The following ADAMTS17 variants were observed in gnomAD, a reference collection of about 807,000 sequenced individuals.
ADAMTS17 encodes the protein ADAM metallopeptidase with thrombospondin type 1 motif 17, also known as A disintegrin and metalloproteinase with thrombospondin motifs 17.
A neutral mutation model predicts 141.5 loss-of-function variants in ADAMTS17; 113 were observed. The observed-to-expected ratio is 0.80, with a 90% CI of 0.69 to 0.93. The LOEUF is 0.93. ADAMTS17 is among the 40% of genes least tolerant of loss of function. The probability of loss-of-function intolerance (pLI) is 0.00; values close to 1 mark genes in which losing one functional copy is unlikely to be tolerated. For synonymous variants in ADAMTS17, 768 were observed against 630.6 expected (o/e 1.22, Z -3.27); for missense variants, 1,659 against 1,517.9 (o/e 1.09, Z -1.54).
At chr15:100,329,359 T>G (rs2045981459) in intron 3 of ADAMTS17, among the ~76,000 whole-genome samples, 1 of 152,098 alleles carries the variant, frequency 6.6e-6, no homozygotes. Flanking sequence ...GGCAACACAG[T>G]GAAACCCATC....
At chr15:100,059,191 T>C (rs2032910011) in intron 15 of ADAMTS17, among the ~76,000 whole-genome samples, 1 of 152,186 alleles carries the variant, frequency 6.6e-6, no homozygotes, top group Non-Finnish European at 1.5e-5. Context: ...TCCTGCACAA[T>C]CACAACTTGT....
intron 8 of ADAMTS17, among the ~76,000 whole-genome samples, chr15:100,163,068 G>T (rs1453939208): frequency 6.8e-6 from 1 of 147,690 alleles, no homozygotes; most frequent in Non-Finnish European, 1.5e-5. Context: ...ATATATATGT[G>T]TATACATATA....
Position 99,976,061 on chromosome 15 carries a change from G to T in ADAMTS17, c.3111C>A (p.Ile1037=), listed in dbSNP as rs886050973. Residue 1037 remains isoleucine, a synonymous_variant, in exon 21 of 22, where the codon ATC becomes ATA. Transcript: ENST00000268070. ...VCNDRINANT[I]TSPRLAALTY... is the part of the protein sequence containing the mutation. Reference sequence around the variant, plus strand: ...GACACTCACCAAGGCGGGGGGAGGTGATGGTGTTGGCGTTGATCCTGTCGT... The same window carrying T: ...GACACTCACCAAGGCGGGGGGAGGTTATGGTGTTGGCGTTGATCCTGTCGT... The T allele has an allele frequency of 5.8e-6, 9 of 1,551,160 alleles. No individual in the cohort carries two copies. Among genetic ancestry groups the T allele is most frequent in the Non-Finnish European group, 7.8e-6 (9 of 1,146,648 alleles).
In ADAMTS17 at chr15:100,223,735, C is replaced by T. The variant is rs536063836; in HGVS notation, c.1076-24312G>A. 2.8e-5 allele frequency among the ~76,000 whole-genome samples: 4 copies of T among 144,292 alleles called. No homozygotes were observed. In the East Asian group the frequency reaches 5.9e-4, roughly 21 times the overall value. 94.7% of individuals were successfully genotyped at this position (144,292 alleles called of 152,430 possible). On this transcript the variant is annotated intron_variant, in intron 7 of 21. Transcript: ENST00000268070. ...TATATACATATAGTGTATATATACA[C>T]ATGTATGTGTATATATATATACACA...
chr15:100,327,989 A>G (rs1298175797), intron 3 of ADAMTS17, among the ~76,000 whole-genome samples: 1 of 152,110 alleles, frequency 6.6e-6, no homozygotes, highest in African/African-American at 2.4e-5. Context: ...TTTCAAGTAC[A>G]CTGAGTGCTT....
chr15:100,274,161 T>C (rs1031063063), intron 4 of ADAMTS17, among the ~76,000 whole-genome samples: 4 of 152,192 alleles, frequency 2.6e-5, no homozygotes, highest in African/African-American at 4.8e-5. Context: ...CCATTGTTGT[T>C]GGGTAGAGTG....
At chr15:99,987,842 G>T (rs2060621324) in intron 20 of ADAMTS17, among the ~76,000 whole-genome samples, 1 of 152,070 alleles carries the variant, frequency 6.6e-6, no homozygotes, top group Non-Finnish European at 1.5e-5. Context: ...GAGGTGCCCA[G>T]CCCCCAACTC....
chr15:100,051,349 C>CATGA (rs2032126670), intron 17 of ADAMTS17, among the ~76,000 whole-genome samples: 1 of 152,192 alleles, frequency 6.6e-6, no homozygotes, highest in Non-Finnish European at 1.5e-5. Context: ...AGCTGTGGGG[C>CATGA]CCTGGGCCCC....
chr15:100,301,352 G>A (rs761569692), intron 3 of ADAMTS17, among the ~76,000 whole-genome samples: 36 of 149,668 alleles, frequency 2.4e-4, no homozygotes, highest in African/African-American at 5.4e-4. Context: ...TTTCTGAGAC[G>A]GAGTCTCTGT....
intron 20 of ADAMTS17, among the ~76,000 whole-genome samples, chr15:99,982,861 C>T (rs960115616): frequency 6.6e-6 from 1 of 152,144 alleles, no homozygotes; most frequent in Non-Finnish European, 1.5e-5. Context: ...GAGCTGGCTG[C>T]CCGGTGGAGA....
chr15:100,132,635 G>A (rs2038110694), intron 11 of ADAMTS17, among the ~76,000 whole-genome samples: 1 of 152,204 alleles, frequency 6.6e-6, no homozygotes, highest in African/African-American at 2.4e-5. Flanking sequence ...TTCTCAAAGT[G>A]CACAGCACAT....
intron 18 of ADAMTS17, among the ~76,000 whole-genome samples, chr15:100,039,610 T>TA (rs2031065379): frequency 6.6e-6 from 1 of 152,178 alleles, no homozygotes; most frequent in Non-Finnish European, 1.5e-5. Context: ...AAAACATACC[T>TA]AGTATTATTT....
chr15:100,011,956 A>C (rs1302092754), intron 18 of ADAMTS17, among the ~76,000 whole-genome samples: 1 of 152,234 alleles, frequency 6.6e-6, no homozygotes, highest in Non-Finnish European at 1.5e-5. Flanking sequence ...CAGTTCTTTA[A>C]GGAACCTATA....
chr15:100,315,160 G>T (rs2045523271), intron 3 of ADAMTS17, among the ~76,000 whole-genome samples: 1 of 152,220 alleles, frequency 6.6e-6, no homozygotes, highest in South Asian at 2.1e-4. Context: ...AGGCCGGGAG[G>T]CAGGCAGGCA....
At chr15:100,097,731 G>A (rs182021311) in intron 14 of ADAMTS17, among the ~76,000 whole-genome samples, 2 of 152,378 alleles carry the variant, frequency 1.3e-5, no homozygotes, top group East Asian at 3.9e-4. Context: ...ACCTGAGAAT[G>A]TGCATTTCTA....
chr15:100,292,314 G>A (rs115257237), intron 3 of ADAMTS17, among the ~76,000 whole-genome samples: 79 of 147,966 alleles, frequency 5.3e-4, no homozygotes, highest in African/African-American at 1.6e-3. Flanking sequence ...GTGAAACTAC[G>A]AGAGACACTC....
intron 7 of ADAMTS17, among the ~76,000 whole-genome samples, chr15:100,223,759 C>G (rs1201663041): frequency 1.3e-5 from 2 of 151,258 alleles, no homozygotes; most frequent in Non-Finnish European, 2.9e-5. Context: ...TATATATACA[C>G]ACACACATAT....
chr15:100,298,597 T>C (rs2044909700), intron 3 of ADAMTS17, among the ~76,000 whole-genome samples: 1 of 151,832 alleles, frequency 6.6e-6, no homozygotes, highest in Non-Finnish European at 1.5e-5. Context: ...GGCTTCCAAA[T>C]GGAGGGAGAA....
At chr15:99,983,743 T>C (rs935563967) in intron 20 of ADAMTS17, among the ~76,000 whole-genome samples, 6 of 152,138 alleles carry the variant, frequency 3.9e-5, no homozygotes, top group Middle Eastern at 6.8e-3. Context: ...GGCTGAACTC[T>C]CAAAGCACAA....
Sources: gnomAD v4.1 joint callset for allele counts (sites outside exome capture counted in the v4.1 genomes callset) on GRCh38, gnomAD v4.1.1 for gene constraint, MANE v1.5 for transcripts, NCBI Gene and HGNC (gene_info 2026-07-23, HGNC 2026-07-21) for gene names.